Variants in C16orf96 observed in about 807,000 individuals in gnomAD.
The protein encoded by C16orf96 is chromosome 16 open reading frame 96, also known as uncharacterized protein C16orf96.
A neutral mutation model predicts 103.6 loss-of-function variants in C16orf96; 108 were observed. The observed-to-expected ratio is 1.04, with a 90% CI of 0.89 to 1.22. C16orf96 has a LOEUF of 1.22. Ranked by LOEUF, C16orf96 falls within the 50% of genes most tolerant of loss-of-function variation. C16orf96 has a pLI of 0.00. For missense variants in C16orf96, 1,586 were observed against 1,464.2 expected, an observed-to-expected ratio of 1.08 and a Z score of -1.36; for synonymous variants, 566 against 593.5, an observed-to-expected ratio of 0.95 and a Z score of 0.67.
Position 4,575,590 on chromosome 16 carries a change from T to G in C16orf96, c.1110T>G (p.Leu370=), listed in dbSNP as rs943826195. The stretch of plus-strand genomic sequence containing the variant: ...CCTTGCCAGCACCTTGGCCTGTGCT[T>G]GGACCTGTGCCTGCCCCAGGTGCCC... ...PGSLPAPWPV[L]GPVPAPGAQP... Residue 370 remains leucine, a synonymous_variant, in exon 5 of 16, where the codon CTT becomes CTG. Coordinates refer to ENST00000444310, the MANE Select transcript of C16orf96 (RefSeq NM_001145011.2). 7 of 1,518,992 alleles carry G rather than the reference T, an allele frequency of 4.6e-6. No homozygotes were observed. The highest frequency in any genetic ancestry group is 5.3e-6 in the Non-Finnish European group (6 of 1,133,472). 94.1% of individuals were successfully genotyped at this position (1,518,992 alleles called of 1,614,324 possible). A position where few individuals can be genotyped will look rare whatever the true frequency, so the allele number is the denominator to read the frequency against.
the C16orf96 span, among the ~76,000 whole-genome samples, chr16:4,551,129 A>G: frequency 4.1e-3 from 624 of 152,332 alleles, 2 homozygotes; most frequent in Non-Finnish European, 6.9e-3. Context: ...ATAATCAGCC[A>G]GGAGAGGTGT....
At chr16:4,542,079 A>G in the C16orf96 span, among the ~76,000 whole-genome samples, 289 of 152,376 alleles carry the variant, frequency 1.9e-3, 1 homozygote, top group African/African-American at 6.8e-3. Context: ...TATGTAATCC[A>G]GAAATTTCCA....
At position 4,556,462 on chromosome 16, in the gene C16orf96, C is replaced by A. The variant is rs2059262918; in HGVS notation, c.-28C>A. On this transcript the variant is annotated 5_prime_UTR_variant, in exon 1 of 16. Transcript: ENST00000444310. ...CCTTGTCCTTGAGGACACCTGGAAC[C>A]CCAGCCCCACTGACCCACCCTGGCA... is the stretch of plus-strand genomic sequence containing the variant. 8 of 1,496,122 alleles carry A rather than the reference C, an allele frequency of 5.3e-6. No homozygotes were observed. The highest frequency in any genetic ancestry group is 5.4e-6 in the Non-Finnish European group (6 of 1,115,560). 92.7% of individuals were successfully genotyped at this position (1,496,122 alleles called of 1,614,324 possible). A position where few individuals can be genotyped will look rare whatever the true frequency, so the allele number is the denominator to read the frequency against.
the C16orf96 span, among the ~76,000 whole-genome samples, chr16:4,545,134 G>A: frequency 1.3e-5 from 2 of 152,222 alleles, no homozygotes; most frequent in African/African-American, 4.8e-5. Flanking sequence ...ATGACCAGAC[G>A]TTAGTTGGGT....
At chr16:4,550,088 T>C in the C16orf96 span, among the ~76,000 whole-genome samples, 2 of 26,196 alleles carry the variant, frequency 7.6e-5, no homozygotes, top group South Asian at 0.012. Flanking sequence ...AGTGGGTAAT[T>C]TTTTTTTTTT....
Position 4,556,553 on chromosome 16 carries a change from A to G in C16orf96, c.64A>G (p.Asn22Asp), listed in dbSNP as rs769504763. Residue 22 changes from asparagine to aspartate, a missense_variant, in exon 1 of 16, where the codon AAC becomes GAC. Transcript: ENST00000444310. ...CGCCATCCCACAGTGCGGGGTGCTG[A>G]ACTTCAAGGCCCTGCACCTCCTGCT... is the stretch of plus-strand genomic sequence containing the variant. ...NIAIPQCGVL[N>D]FKALHLLLHG... 6.4e-6 allele frequency: 10 copies of G among 1,551,152 alleles called. No individual in the cohort carries two copies. In the African/African-American group the frequency reaches 9.6e-5, roughly 15 times the overall value.
At chr16:4,559,513 T>C (rs1467015994) in intron 1 of C16orf96, among the ~76,000 whole-genome samples, 1 of 151,376 alleles carries the variant, frequency 6.6e-6, no homozygotes, top group Non-Finnish European at 1.5e-5. Flanking sequence ...ATTGCGCCAC[T>C]GCACTCCAGC....
chr16:4,550,103 T>G, the C16orf96 span, among the ~76,000 whole-genome samples: 1 of 132,402 alleles, frequency 7.6e-6, no homozygotes, highest in South Asian at 2.6e-4. Context: ...TTTTTTTTTT[T>G]GAGACAGTTT....
intron 2 of C16orf96, among the ~76,000 whole-genome samples, chr16:4,572,330 C>T (rs1309002080): frequency 4.8e-5 from 5 of 103,412 alleles, no homozygotes; most frequent in Admixed American, 2.6e-4. Flanking sequence ...GATGGAGTCT[C>T]GCTCTGTTGC....
At chr16:4,542,886 T>A in the C16orf96 span, among the ~76,000 whole-genome samples, 1 of 152,194 alleles carries the variant, frequency 6.6e-6, no homozygotes, top group Non-Finnish European at 1.5e-5. Flanking sequence ...GACATCTCAA[T>A]TTGGAGCAGT....
At chr16:4,596,304 G>T (rs1369659373) in intron 14 of C16orf96, among the ~76,000 whole-genome samples, 1 of 152,078 alleles carries the variant, frequency 6.6e-6, no homozygotes, top group Non-Finnish European at 1.5e-5. Flanking sequence ...GAACAACATG[G>T]TGAAACCTCG....
chr16:4,566,416 C>T (rs144255727), intron 1 of C16orf96, among the ~76,000 whole-genome samples: 468 of 152,186 alleles, frequency 3.1e-3, no homozygotes, highest in Non-Finnish European at 5.3e-3. Flanking sequence ...TTTTCATTTC[C>T]CTGATGACGA....
Position 4,575,245 on chromosome 16 carries a change from C to T in C16orf96, c.765C>T (p.Thr255=). The change falls in exon 5 of 16, where the codon ACC becomes ACT. Residue 255 remains threonine (T), a synonymous_variant. Coordinates refer to ENST00000444310, the MANE Select transcript of C16orf96 (RefSeq NM_001145011.2). ...EQLPEAALAQ[T]TKYLEATRAI... is the part of the protein sequence containing the mutation. ...TCCCAGAGGCTGCCCTGGCCCAGAC[C>T]ACCAAGTACCTTGAAGCTACTCGTG... The T allele has an allele frequency of 1.3e-6, 2 of 1,549,188 alleles. No individual in the cohort carries two copies. The highest frequency in any genetic ancestry group is 1.7e-6 in the Non-Finnish European group (2 of 1,146,966).
intron 1 of C16orf96, chr16:4,561,407 C>T (rs1007944155): frequency 6.6e-6 from 1 of 152,240 alleles, no homozygotes; most frequent in Non-Finnish European, 1.5e-5. Context: ...AAAATTGTTA[C>T]TAGAGACAGG....
chr16:4,550,479 GC>G, the C16orf96 span, among the ~76,000 whole-genome samples: 2,799 of 152,186 alleles, frequency 0.018, 86 homozygotes, highest in African/African-American at 0.061. Flanking sequence ...TTCCTCCTTG[GC>G]CCCCTCTCCA....
In C16orf96 at chr16:4,576,498, C is replaced by T; in HGVS notation, c.2018C>T (p.Ala673Val). The change falls in exon 5 of 16, where the codon GCC becomes GTC. Residue 673 changes from alanine (A) to valine (V), a missense_variant. Physicochemically the swap from Ala to Val is moderately conservative, Grantham distance 64. Transcript: ENST00000444310. ...CAGGCCATGGTGGCTACCAAGCAGG[C>T]CATGAGCCCTGAAGACAAGAAGAGG... Reference protein sequence around the residue: ...LSQAMVATKQAMSPEDKKRAV... With the variant: ...LSQAMVATKQVMSPEDKKRAV... 1 of 1,551,520 alleles carries T rather than the reference C, an allele frequency of 6.4e-7. No individual in the cohort carries two copies. Among genetic ancestry groups the T allele is most frequent in the Non-Finnish European group, 8.7e-7 (1 of 1,147,020 alleles).
intron 8 of C16orf96, among the ~76,000 whole-genome samples, chr16:4,587,902 A>G (rs1186588408): frequency 6.6e-6 from 1 of 151,758 alleles, no homozygotes; most frequent in African/African-American, 2.4e-5. Context: ...TGCCACTGCA[A>G]TCCAGCCTGG....
In C16orf96 at chr16:4,600,303, C is replaced by T. The variant is rs751944774; in HGVS notation, c.3412C>T (p.Pro1138Ser). ...SRVGRKPPEE[P>S]ANP ...AGTCGGCAGGAAGCCCCCCGAGGAG[C>T]CCGCCAACCCGTGAGCCCCACCCCG... The change falls in exon 16 of 16, where the codon CCC (proline) becomes TCC (serine). Residue 1138 changes from proline (P) to serine (S), a missense_variant. Pro to Ser is a moderately conservative substitution (Grantham distance 74, BLOSUM62 -1). Coordinates refer to ENST00000444310, the MANE Select transcript of C16orf96 (RefSeq NM_001145011.2). 1.9e-6 allele frequency: 3 copies of T among 1,549,336 alleles called. No homozygotes were observed. Among genetic ancestry groups the T allele is most frequent in the Non-Finnish European group, 8.7e-7 (1 of 1,146,704 alleles).
chr16:4,576,196 C>T lies in C16orf96; in HGVS notation c.1716C>T (p.Ala572=), dbSNP rs540737061. 35 of 1,550,512 alleles carry T rather than the reference C, an allele frequency of 2.3e-5. No homozygotes were observed. In the South Asian group the frequency reaches 3.2e-4, roughly 14 times the overall value. The part of the protein sequence containing the change: ...HRLKTTAAIA[A]AAAAAYAAAT... ...TGAAAACCACCGCTGCCATCGCCGCCGCTGCCGCCGCAGCCTACGCCGCTG... is the reference window on the plus strand; with the variant it reads ...TGAAAACCACCGCTGCCATCGCCGCTGCTGCCGCCGCAGCCTACGCCGCTG... Residue 572 remains alanine (A), a synonymous_variant, in exon 5 of 16, where the codon GCC becomes GCT. Coordinates refer to ENST00000444310, the MANE Select transcript of C16orf96 (RefSeq NM_001145011.2).
Sources: allele counts gnomAD v4.1 joint callset (sites outside exome capture counted in the v4.1 genomes callset), GRCh38; gene constraint gnomAD v4.1.1; transcripts MANE v1.5; gene names NCBI Gene and HGNC (gene_info 2026-07-23, HGNC 2026-07-21).